Variants in SOX5 observed in about 807,000 individuals in gnomAD.
The protein encoded by SOX5 is transcription factor SOX-5.
Under a neutral mutation model 92.0 loss-of-function variants are expected in SOX5, and 9 were observed. The observed-to-expected ratio is 0.10, with a 90% confidence interval of 0.06 to 0.17. SOX5 has a LOEUF of 0.17. Ranked by LOEUF, SOX5 falls within the 10% of genes least tolerant of loss-of-function variation. SOX5 has a pLI of 1.00. For synonymous variants in SOX5, 344 were observed against 336.3 expected (o/e 1.02, Z -0.25); for missense variants, 642 against 944.5 (o/e 0.68, Z 4.20).
At chr12:23,682,966 G>C (rs968646235) in intron 6 of SOX5, among the ~76,000 whole-genome samples, 9 of 151,774 alleles carry the variant, frequency 5.9e-5, no homozygotes, top group African/African-American at 2.2e-4. Context: ...CTTTTGAAAG[G>C]AATGTAAATA....
chr12:24,431,807 A>T (rs1205379310), intron 1 of SOX5, among the ~76,000 whole-genome samples: 2 of 152,196 alleles, frequency 1.3e-5, no homozygotes, highest in Non-Finnish European at 2.9e-5. Flanking sequence ...ACACCTGACT[A>T]AAAAGGCAAG....
At chr12:24,103,056 T>C (rs571437609) in intron 4 of SOX5, among the ~76,000 whole-genome samples, 22 of 152,318 alleles carry the variant, frequency 1.4e-4, no homozygotes, top group African/African-American at 4.8e-4. Flanking sequence ...GGGAAGACAA[T>C]TTCGGATTGA....
In SOX5 at chr12:24,045,870, T is replaced by C. The variant is rs895395853; in HGVS notation, c.-1-149846A>G. Among the ~76,000 whole-genome samples, 5 of 150,284 alleles carry C rather than the reference T, an allele frequency of 3.3e-5. No homozygotes were observed. The Admixed American group carries it at 3.4e-4, about 10-fold the overall frequency. On this transcript the variant is annotated intron_variant, in intron 4 of 4. Coordinates refer to the SOX5 transcript ENST00000446891. ...CTATGGCCAGGGAGCTGCATGGTTC[T>C]CCTCTGTCTCACATGTTTTGGTTTA...
chr12:23,776,391 A>G (rs2095099938), intron 3 of SOX5, among the ~76,000 whole-genome samples: 1 of 152,220 alleles, frequency 6.6e-6, no homozygotes, highest in African/African-American at 2.4e-5. Context: ...AAAGAAGGAT[A>G]TGACTGAGGA....
At chr12:23,773,924 CT>C (rs2095020314) in intron 3 of SOX5, among the ~76,000 whole-genome samples, 1 of 152,044 alleles carries the variant, frequency 6.6e-6, no homozygotes, top group Non-Finnish European at 1.5e-5. Context: ...GAGAAGAAAA[CT>C]TCAGAGTCAG....
Position 23,970,841 on chromosome 12 carries a change from A to ATATATATATATATATATATATATATT in SOX5, c.-1-74818_-1-74817insAATATATATATATATATATATATATA. On this transcript the variant is annotated intron_variant, in intron 4 of 4. Coordinates refer to the SOX5 transcript ENST00000446891. The stretch of plus-strand genomic sequence containing the variant: ...ACATGGGACTTTATATATATATATA[A>ATATATATATATATATATATATATATT]TTTTTTTTTTTTTTTAAGAAATGGG... Among the ~76,000 whole-genome samples, 6 of 21,874 alleles carry ATATATATATATATATATATATATATT rather than the reference A, an allele frequency of 2.7e-4. 1 individual carries two copies. Among genetic ancestry groups the ATATATATATATATATATATATATATT allele is most frequent in the African/African-American group, 6.2e-4 (5 of 8,032 alleles). The allele number at this position is 21,874 out of a possible 152,430, so 14.4% of individuals were successfully genotyped here.
At chr12:23,699,106 G>T (rs765430599) in intron 6 of SOX5, among the ~76,000 whole-genome samples, 6 of 152,172 alleles carry the variant, frequency 3.9e-5, no homozygotes, top group Non-Finnish European at 7.4e-5. Flanking sequence ...TAGTGAAAAA[G>T]AGTTAGTTTT....
intron 4 of SOX5, among the ~76,000 whole-genome samples, chr12:24,049,816 A>G (rs1957390076): frequency 6.6e-6 from 1 of 152,092 alleles, no homozygotes; most frequent in African/African-American, 2.4e-5. Context: ...AGTTGCTTTC[A>G]AATTAAACAC....
chr12:24,534,888 A>G (rs1428512921), intron 1 of SOX5, among the ~76,000 whole-genome samples: 1 of 152,356 alleles, frequency 6.6e-6, no homozygotes, highest in East Asian at 1.9e-4. Context: ...CACTTGGGGA[A>G]GCAGCAAGCC....
At chr12:24,547,770 T>C (rs927175185) in intron 1 of SOX5, among the ~76,000 whole-genome samples, 1 of 152,220 alleles carries the variant, frequency 6.6e-6, no homozygotes, top group African/African-American at 2.4e-5. Flanking sequence ...TCTCTATCAC[T>C]ATACTTATCC....
rs376840002 is a variant in SOX5 at position 23,563,879 on chromosome 12, AGTTT to A, written c.1343-480_1343-477del. On this transcript the variant is annotated intron_variant, in intron 10 of 14. Coordinates refer to ENST00000451604, the MANE Select transcript of SOX5 (RefSeq NM_006940.6). ...TAAGAGGGTCTGTATAGCACTATTA[AGTTT>A]GTTATATACAGAAGAAATAAATCAT... Among the ~76,000 whole-genome samples, 37 of 152,264 alleles carry A rather than the reference AGTTT, an allele frequency of 2.4e-4. 1 individual carries two copies. In the East Asian group the frequency reaches 6.9e-3, roughly 29 times the overall value.
chr12:23,702,215 A>G (rs945785269), intron 6 of SOX5, among the ~76,000 whole-genome samples: 9 of 152,092 alleles, frequency 5.9e-5, no homozygotes, highest in African/African-American at 2.2e-4. Flanking sequence ...ATATTAAATA[A>G]TTTAAAGGAC....
intron 1 of SOX5, among the ~76,000 whole-genome samples, chr12:24,525,917 C>T (rs753614653): frequency 6.6e-6 from 1 of 151,708 alleles, no homozygotes; most frequent in Non-Finnish European, 1.5e-5. Context: ...TGTTGCACAG[C>T]GTGGAGTGCA....
chr12:23,619,920 C>A (rs559054036), intron 8 of SOX5, among the ~76,000 whole-genome samples: 19 of 152,234 alleles, frequency 1.2e-4, no homozygotes, highest in African/African-American at 4.6e-4. Flanking sequence ...ATGCCAGTTT[C>A]ATTCTAGGTC....
chr12:23,723,683 AG>A (rs1206313409), intron 6 of SOX5, among the ~76,000 whole-genome samples: 1 of 151,796 alleles, frequency 6.6e-6, no homozygotes, highest in African/African-American at 2.4e-5. Context: ...GATCAAAAAA[AG>A]ATATATAGAA....
intron 4 of SOX5, among the ~76,000 whole-genome samples, chr12:24,068,727 T>C (rs1421273069): frequency 7.0e-5 from 8 of 113,686 alleles, no homozygotes; most frequent in Non-Finnish European, 1.2e-4. Context: ...TATATATATA[T>C]ATATATATAT....
intron 6 of SOX5, among the ~76,000 whole-genome samples, chr12:23,707,454 C>T (rs2091531614): frequency 6.6e-6 from 1 of 152,114 alleles, no homozygotes; most frequent in African/African-American, 2.4e-5. Flanking sequence ...ATGTGTATGG[C>T]ATTCACTTGG....
chr12:23,776,410 A>T (rs1320029854), intron 3 of SOX5, among the ~76,000 whole-genome samples: 1 of 152,248 alleles, frequency 6.6e-6, no homozygotes, highest in Admixed American at 6.5e-5. Context: ...GAAGGCAAGA[A>T]ATTTTATTTT....
chr12:24,000,414 G>A (rs370102838), intron 4 of SOX5, among the ~76,000 whole-genome samples: 2 of 151,900 alleles, frequency 1.3e-5, no homozygotes, highest in South Asian at 4.1e-4. Context: ...AATAGCACAA[G>A]TGGGGGAAAG....
Sources: gnomAD v4.1 joint callset for allele counts (sites outside exome capture counted in the v4.1 genomes callset) on GRCh38, gnomAD v4.1.1 for gene constraint, MANE v1.5 for transcripts, NCBI Gene and HGNC (gene_info 2026-07-23, HGNC 2026-07-21) for gene names.